The following SND1 variants were observed in gnomAD, a reference collection of about 807,000 sequenced individuals.
The protein encoded by SND1 is staphylococcal nuclease domain-containing protein 1.
Under a neutral mutation model 121.7 loss-of-function variants are expected in SND1, and 38 were observed. The ratio of observed to expected loss-of-function variants is 0.31; its 90% CI spans 0.24 to 0.41. The LOEUF is 0.41. SND1 is among the 10% of genes least tolerant of loss of function. The pLI is 1.00. For missense variants in SND1, 868 were observed against 1,184.6 expected, an observed-to-expected ratio of 0.73 and a Z score of 3.92; for synonymous variants, 401 against 447.4, an observed-to-expected ratio of 0.90 and a Z score of 1.31.
chr7:127,832,283 C>CT (rs896082307), intron 11 of SND1, among the ~76,000 whole-genome samples: 8 of 152,238 alleles, frequency 5.3e-5, no homozygotes, highest in African/African-American at 1.9e-4. Flanking sequence ...AGAAGTGGAA[C>CT]TGCTGGGTTA....
intron 11 of SND1, among the ~76,000 whole-genome samples, chr7:127,817,721 C>CTTTTTTT (rs72233818): frequency 9.6e-6 from 1 of 104,096 alleles, no homozygotes; most frequent in African/African-American, 3.6e-5. Context: ...TTCCTTCATA[C>CTTTTTTT]TTTTTTTTTT....
intron 10 of SND1, among the ~76,000 whole-genome samples, chr7:127,732,845 G>A (rs566280974): frequency 9.8e-5 from 15 of 152,302 alleles, no homozygotes; most frequent in East Asian, 3.9e-4. Flanking sequence ...TCACAGAAAC[G>A]AGTGGATGCT....
intron 1 of SND1, among the ~76,000 whole-genome samples, chr7:127,682,461 C>T (rs1274765364): frequency 2.6e-5 from 4 of 152,212 alleles, no homozygotes; most frequent in Admixed American, 2.0e-4. Context: ...TTTCACAAAC[C>T]TCCTGCTGTA....
chr7:127,847,893 G>A (rs1799096066), intron 12 of SND1, among the ~76,000 whole-genome samples: 1 of 152,212 alleles, frequency 6.6e-6, no homozygotes, highest in Non-Finnish European at 1.5e-5. Flanking sequence ...GTTATGGAGG[G>A]TTATTTGGTG....
At chr7:128,090,679 C>T (rs948398716) in intron 22 of SND1, among the ~76,000 whole-genome samples, 2 of 152,222 alleles carry the variant, frequency 1.3e-5, no homozygotes, top group African/African-American at 4.8e-5. Context: ...TCTCCCTTCT[C>T]CCAGCCCTCC....
intron 10 of SND1, among the ~76,000 whole-genome samples, chr7:127,802,630 G>T (rs189990911): frequency 6.6e-6 from 1 of 152,248 alleles, no homozygotes; most frequent in East Asian, 1.9e-4. Flanking sequence ...TTTAATGTTA[G>T]AAGATACTAC....
At chr7:127,716,355 C>T (rs1244983776) in intron 9 of SND1, among the ~76,000 whole-genome samples, 1 of 152,036 alleles carries the variant, frequency 6.6e-6, no homozygotes, top group East Asian at 1.9e-4. Flanking sequence ...GACGTGTTTC[C>T]GTTTATTTAT....
intron 14 of SND1, among the ~76,000 whole-genome samples, chr7:127,927,867 A>G (rs1800873260): frequency 1.3e-5 from 2 of 152,228 alleles, no homozygotes; most frequent in South Asian, 4.1e-4. Context: ...GTCAAAAAGG[A>G]AAAGCTTGGC....
chr7:127,668,498 A>G (rs1191736198), intron 1 of SND1, among the ~76,000 whole-genome samples: 3 of 152,230 alleles, frequency 2.0e-5, no homozygotes, highest in Admixed American at 6.5e-5. Context: ...TGTCTGTCCT[A>G]TTCACCATGG....
rs1453908924 is a variant in SND1, at chr7:127,970,217, G to A, written c.1670-20730G>A. ...GACATCTAAAAACAGAATTCCTTTGGATAAATCAGGTAACCTAAGTAATAT... is the reference window on the plus strand; with the variant it reads ...GACATCTAAAAACAGAATTCCTTTGAATAAATCAGGTAACCTAAGTAATAT... On this transcript the variant is annotated intron_variant, in intron 15 of 23. Coordinates refer to ENST00000354725, the MANE Select transcript of SND1 (RefSeq NM_014390.4). Among the ~76,000 whole-genome samples, 4 of 152,030 alleles carry A rather than the reference G, an allele frequency of 2.6e-5. No individual in the cohort carries two copies. In the East Asian group the frequency reaches 7.7e-4, roughly 29 times the overall value.
chr7:128,032,745 C>G (rs1792666266), intron 16 of SND1, among the ~76,000 whole-genome samples: 1 of 152,196 alleles, frequency 6.6e-6, no homozygotes, highest in Non-Finnish European at 1.5e-5. Context: ...GGCCACGAGG[C>G]TCCCAGGACC....
At chr7:127,916,065 G>T (rs35414063) in intron 14 of SND1, among the ~76,000 whole-genome samples, 8,313 of 150,042 alleles carry the variant, frequency 0.055, 337 homozygotes, top group African/African-American at 0.1. Flanking sequence ...TATATATATA[G>T]AGAGAGAGAG....
chr7:127,673,141 A>G (rs1795554274), intron 1 of SND1, among the ~76,000 whole-genome samples: 1 of 148,150 alleles, frequency 6.7e-6, no homozygotes, highest in Non-Finnish European at 1.5e-5. Context: ...TCTATTATAT[A>G]TGATATATGA....
chr7:127,754,188 A>G (rs1179988203), intron 10 of SND1, among the ~76,000 whole-genome samples: 1 of 152,240 alleles, frequency 6.6e-6, no homozygotes, highest in Non-Finnish European at 1.5e-5. Context: ...GGAATTGTAT[A>G]GATTATCTTC....
At position 127,858,429 on chromosome 7, in the gene SND1, T is replaced by C; in HGVS notation, c.1343+14005T>C. ...AAGAAGGCTTGGGCACTCACTGGGG[T>C]CTGGCCCAAGCTGTCCTCCTCTTCC... On this transcript the variant is annotated intron_variant, in intron 12 of 23. Coordinates refer to ENST00000354725, the MANE Select transcript of SND1 (RefSeq NM_014390.4). The C allele has an allele frequency of 4.6e-6, 4 of 869,730 alleles. No homozygotes were observed. The South Asian group carries it at 5.7e-5, about 12-fold the overall frequency. The allele number at this position is 869,730 out of a possible 1,614,324, so 53.9% of individuals were successfully genotyped here. A position where few individuals can be genotyped will look rare whatever the true frequency, so the allele number is the denominator to read the frequency against.
intron 16 of SND1, 60 bp from the exon 17 acceptor site, chr7:128,074,442 C>T (rs537608326): frequency 6.6e-7 from 1 of 1,516,832 alleles, no homozygotes; most frequent in South Asian, 1.3e-5. Context: ...TCCCCACGGG[C>T]ACAGCCCCTG....
intron 11 of SND1, among the ~76,000 whole-genome samples, chr7:127,833,191 T>C (rs1296981035): frequency 6.6e-6 from 1 of 151,974 alleles, no homozygotes; most frequent in Admixed American, 6.6e-5. Flanking sequence ...TAGGGGTTAT[T>C]GAACATGACT....
In SND1 at chr7:127,894,308, A is replaced by G. The variant is rs569891741; in HGVS notation, c.1454+6296A>G. Among the ~76,000 whole-genome samples, 6 of 151,982 alleles carry G rather than the reference A, an allele frequency of 3.9e-5. No homozygotes were observed. In the South Asian group the frequency reaches 1.0e-3, roughly 26 times the overall value. On this transcript the variant is annotated intron_variant, in intron 13 of 23. Coordinates refer to ENST00000354725, the MANE Select transcript of SND1 (RefSeq NM_014390.4). ...CTTCCACCCTGGACTTAGCTAGAGG[A>G]GCTCTCCCTTTTTTCTGATTTATAG...
At chr7:127,983,301 C>G (rs1802309382) in intron 15 of SND1, among the ~76,000 whole-genome samples, 1 of 152,082 alleles carries the variant, frequency 6.6e-6, no homozygotes, top group Non-Finnish European at 1.5e-5. Context: ...TATGGGAGTG[C>G]AGTCAGTGGG....
Sources: gnomAD v4.1 joint callset for allele counts (sites outside exome capture counted in the v4.1 genomes callset) on GRCh38, gnomAD v4.1.1 for gene constraint, MANE v1.5 for transcripts, NCBI Gene and HGNC (gene_info 2026-07-23, HGNC 2026-07-21) for gene names.